Variants in ZNF208 observed in about 807,000 individuals in gnomAD.
ZNF208 encodes the protein zinc finger protein 208, also known as zinc finger protein 95.
In ZNF208, 10 loss-of-function variants were observed where a neutral mutation model predicts 12.1. The ratio of observed to expected loss-of-function variants is 0.83; its 90% confidence interval spans 0.51 to 1.40. ZNF208 has a LOEUF of 1.40. ZNF208 is among the 40% of genes most tolerant of loss of function. The pLI, the probability that ZNF208 is intolerant of heterozygous loss-of-function variation, is 0.00. For missense variants in ZNF208, 1,652 were observed against 1,485.0 expected, an observed-to-expected ratio of 1.11 and a Z score of -1.85; for synonymous variants, 497 against 488.4, an observed-to-expected ratio of 1.02 and a Z score of -0.23.
rs1970227717 is a variant in ZNF208, at chr19:21,969,108, T to C, written c.*2083A>G. On this transcript the variant is annotated 3_prime_UTR_variant, in exon 4 of 4. Transcript: ENST00000397126. ...CTGAGGTGGGAGAATGGCATGAACCTGGAAGCTAGACCTTGGCTAATTTCT... is the reference window on the plus strand; with the variant it reads ...CTGAGGTGGGAGAATGGCATGAACCCGGAAGCTAGACCTTGGCTAATTTCT... 6.6e-6 allele frequency among the ~76,000 whole-genome samples: 1 copy of C among 152,154 alleles called. No individual in the cohort carries two copies.
chr19:21,946,982 T>G (rs527679961), intron 4 of ZNF208, among the ~76,000 whole-genome samples: 3 of 152,274 alleles, frequency 2.0e-5, no homozygotes, highest in African/African-American at 7.2e-5. Flanking sequence ...CTTCTTCTTT[T>G]TTTTGGTACC....
At chr19:21,962,798 G>T (rs1265761451), downstream of ZNF208, among the ~76,000 whole-genome samples, 1 of 152,030 alleles carries the variant, frequency 6.6e-6, no homozygotes, top group African/African-American at 2.4e-5. Context: ...ATAATAAAAT[G>T]CTTGTGGTAG....
Position 21,968,529 on chromosome 19 carries a change from G to A in ZNF208, c.*2662C>T, listed in dbSNP as rs577844888. 2 of 151,892 alleles carry A rather than the reference G, an allele frequency of 1.3e-5. No individual in the cohort carries two copies. The highest frequency in any genetic ancestry group is 2.1e-4 in the South Asian group (1 of 4,816). 9.4% of individuals were successfully genotyped at this position (151,892 alleles called of 1,614,324 possible). On this transcript the variant is annotated 3_prime_UTR_variant, in exon 4 of 4. Transcript: ENST00000397126. Reference sequence around the variant, plus strand: ...TATCATGAAACACCTTCATATATATGGAAAAGCTCACATTAATGTAGCAAA... The same window carrying A: ...TATCATGAAACACCTTCATATATATAGAAAAGCTCACATTAATGTAGCAAA...
chr19:21,959,243 T>A (rs978570264), intron 4 of ZNF208, among the ~76,000 whole-genome samples: 9 of 152,160 alleles, frequency 5.9e-5, no homozygotes, highest in Admixed American at 2.6e-4. Context: ...TACAGCAACA[T>A]AATACTTCAC....
intron 1 of ZNF208, among the ~76,000 whole-genome samples, chr19:22,007,830 C>A (rs886302550): frequency 1.3e-5 from 2 of 151,036 alleles, no homozygotes; most frequent in Non-Finnish European, 2.9e-5. Flanking sequence ...ATGGCAAACC[C>A]CCATCTCTAT....
chr19:21,989,346 T>C (rs1460123995), intron 1 of ZNF208, among the ~76,000 whole-genome samples: 1 of 150,858 alleles, frequency 6.6e-6, no homozygotes, highest in Non-Finnish European at 1.5e-5. Context: ...TGTTTGGTTT[T>C]TTGTCCTTGT....
downstream of ZNF208, among the ~76,000 whole-genome samples, chr19:21,963,800 G>GT (rs776079679): frequency 6.6e-6 from 1 of 151,912 alleles, no homozygotes; most frequent in Non-Finnish European, 1.5e-5. Flanking sequence ...GTAGTTGAAT[G>GT]TTTTTAATAG....
At chr19:21,951,365 C>T (rs566981298) in intron 4 of ZNF208, among the ~76,000 whole-genome samples, 2 of 151,970 alleles carry the variant, frequency 1.3e-5, no homozygotes, top group Admixed American at 6.6e-5. Flanking sequence ...GTGTATGCAA[C>T]GTGTGTAAAA....
At chr19:21,981,757 G>A (rs1475887521) in intron 3 of ZNF208, among the ~76,000 whole-genome samples, 1 of 152,122 alleles carries the variant, frequency 6.6e-6, no homozygotes, top group Non-Finnish European at 1.5e-5. Flanking sequence ...TAGGAAAAGA[G>A]GAAATCAAAT....
intron 1 of ZNF208, among the ~76,000 whole-genome samples, chr19:22,002,979 T>A (rs1188232774): frequency 6.6e-6 from 1 of 152,152 alleles, no homozygotes; most frequent in African/African-American, 2.4e-5. Flanking sequence ...CAAAGCAACA[T>A]GGTACTGGTA....
chr19:21,991,438 C>T (rs1264738970), intron 1 of ZNF208: 2 of 152,168 alleles, frequency 1.3e-5, no homozygotes, highest in East Asian at 1.9e-4. Context: ...GCTATATTTA[C>T]ATCATACAGA....
In ZNF208 at chr19:21,982,879, A is replaced by C. The variant is rs545923187; in HGVS notation, c.226+4337T>G. On this transcript the variant is annotated intron_variant, in intron 3 of 3. Transcript: ENST00000397126. ...AAAATTAACTCAAGATGGATTGAAG[A>C]TTTAAATGTAACACTGCAAACCATA... Among the ~76,000 whole-genome samples the C allele has an allele frequency of 2.6e-3, 390 of 152,372 alleles. 2 individuals are homozygous for C. Among genetic ancestry groups the C allele is most frequent in the African/African-American group, 8.9e-3 (372 of 41,588 alleles).
intron 4 of ZNF208, among the ~76,000 whole-genome samples, chr19:21,954,651 T>G (rs1220019599): frequency 6.6e-6 from 1 of 152,244 alleles, no homozygotes; most frequent in Non-Finnish European, 1.5e-5. Context: ...AGACTAGGAT[T>G]GCAACCCCTG....
chr19:21,984,658 T>G (rs1568449828), intron 3 of ZNF208, among the ~76,000 whole-genome samples: 1 of 152,230 alleles, frequency 6.6e-6, no homozygotes, highest in Non-Finnish European at 1.5e-5. Flanking sequence ...GTAAAGATGT[T>G]CATCCTATTC....
At chr19:21,965,562 A>G (rs534323472), downstream of ZNF208, 9 of 152,230 alleles carry the variant, frequency 5.9e-5, no homozygotes, top group East Asian at 1.7e-3. Context: ...CAATAGCGTA[A>G]GAAAAGTACT....
chr19:21,976,194 A>G (rs1970428173), intron 3 of ZNF208, among the ~76,000 whole-genome samples: 2 of 152,212 alleles, frequency 1.3e-5, no homozygotes, highest in Admixed American at 1.3e-4. Context: ...AATATACGAC[A>G]TAAATCAATA....
intron 4 of ZNF208, among the ~76,000 whole-genome samples, chr19:21,953,225 A>G (rs1969919922): frequency 6.6e-6 from 1 of 152,214 alleles, no homozygotes; most frequent in Admixed American, 6.5e-5. Context: ...AATGGAACCA[A>G]GTAGGAAGAT....
rs1055531972 is a variant in ZNF208, at chr19:21,967,725, G to C, written c.*3466C>G. On this transcript the variant is annotated 3_prime_UTR_variant, in exon 4 of 4. Transcript: ENST00000397126. ...TAGTCTGAAGTTTTCTTGGCTATTT[G>C]AGCTCTTTAATTCTTTTGAATGTAT... is the stretch of plus-strand genomic sequence containing the variant. 6.6e-6 allele frequency: 1 copy of C among 151,998 alleles called. No homozygotes were observed. The highest frequency in any genetic ancestry group is 1.5e-5 in the Non-Finnish European group (1 of 67,980). 9.4% of individuals were successfully genotyped at this position (151,998 alleles called of 1,614,324 possible).
chr19:21,956,844 C>T (rs2145522863), intron 4 of ZNF208, among the ~76,000 whole-genome samples: 1 of 152,150 alleles, frequency 6.6e-6, no homozygotes, highest in East Asian at 1.9e-4. Flanking sequence ...CACCCACTGT[C>T]CAACAAGCCC....
Sources: gnomAD v4.1 joint callset for allele counts (sites outside exome capture counted in the v4.1 genomes callset) on GRCh38, gnomAD v4.1.1 for gene constraint, MANE v1.5 for transcripts, NCBI Gene and HGNC (gene_info 2026-07-23, HGNC 2026-07-21) for gene names.